SNCAIP: variants seen among roughly 807,000 people sequenced by gnomAD.
SNCAIP encodes synphilin-1.
Under a neutral mutation model 86.7 loss-of-function variants are expected in SNCAIP, and 43 were observed. The observed-to-expected ratio is 0.50, with a 90% CI of 0.39 to 0.64. The LOEUF is 0.64. Among genes scored for constraint, SNCAIP ranks in the 30% least tolerant of loss-of-function variants. The pLI, the probability that SNCAIP is intolerant of heterozygous loss-of-function variation, is 0.00. For missense variants in SNCAIP, 981 were observed against 1,103.1 expected (o/e 0.89, Z 1.57); for synonymous variants, 417 against 427.2 (o/e 0.98, Z 0.29).
intron 2 of SNCAIP, among the ~76,000 whole-genome samples, chr5:122,397,932 G>A (rs143589687): frequency 0.015 from 2,330 of 152,250 alleles, 31 homozygotes; most frequent in Middle Eastern, 0.088. Context: ...ACAGTTGATG[G>A]TGGCAAATAG....
In SNCAIP at chr5:122,444,638, C is replaced by T. The variant is rs1307357877; in HGVS notation, c.1498C>T (p.Gln500Ter). The change falls in exon 8 of 11, where the codon CAG becomes TAG. Residue 500 changes from glutamine to a stop codon, truncating the protein, a stop_gained. Transcript: ENST00000261368. LOFTEE classifies it high-confidence loss of function. Reference protein sequence around the residue: ...GEKPSQSAERQGHTLCSRYLV... With the variant: ...GEKPSQSAER ...AAAGCCCTCCCAGAGCGCCGAGCGG[C>T]AGGGGCACACCCTGTGCTCCAGGTA... 1 of 1,614,064 alleles carries T rather than the reference C, an allele frequency of 6.2e-7. No individual in the cohort carries two copies. The highest frequency in any genetic ancestry group is 1.1e-5 in the South Asian group (1 of 91,084).
At chr5:122,403,125 C>T (rs1244247185) in intron 2 of SNCAIP, among the ~76,000 whole-genome samples, 1 of 152,166 alleles carries the variant, frequency 6.6e-6, no homozygotes, top group Non-Finnish European at 1.5e-5. Context: ...TGAAAGCCAG[C>T]CTCTGAGTCG....
chr5:122,416,899 A>T (rs1168485114), intron 3 of SNCAIP, among the ~76,000 whole-genome samples: 1 of 152,192 alleles, frequency 6.6e-6, no homozygotes, highest in African/African-American at 2.4e-5. Flanking sequence ...TATGGATGTG[A>T]GGTATATTGT....
At chr5:122,377,989 A>G (rs371773070) in intron 1 of SNCAIP, among the ~76,000 whole-genome samples, 5 of 151,198 alleles carry the variant, frequency 3.3e-5, no homozygotes, top group Non-Finnish European at 4.4e-5. Context: ...GAATAATGCC[A>G]CAATAAACAT....
At chr5:122,422,807 T>G in intron 3 of SNCAIP, 61 bp from the exon 4 acceptor site, 1 of 1,379,168 alleles carries the variant, frequency 7.3e-7, no homozygotes, top group South Asian at 1.2e-5. Flanking sequence ...TCTACCTGCA[T>G]AGCCAAGATG....
chr5:122,399,130 C>G (rs1357283183), intron 2 of SNCAIP, among the ~76,000 whole-genome samples: 1 of 152,136 alleles, frequency 6.6e-6, no homozygotes, highest in Non-Finnish European at 1.5e-5. Flanking sequence ...CTCTTCCCGC[C>G]TCATTAGTTC....
Position 122,394,208 on chromosome 5 carries a change from G to T in SNCAIP, c.57+3017G>T, listed in dbSNP as rs1444779942. ...ACCTGAAAAATATGTTTATGAAAAAGATGCCCAGTTTCAAACTCTTCTCCT... is the reference window on the plus strand; with the variant it reads ...ACCTGAAAAATATGTTTATGAAAAATATGCCCAGTTTCAAACTCTTCTCCT... On this transcript the variant is annotated intron_variant, in intron 2 of 10. Transcript: ENST00000261368. Among the ~76,000 whole-genome samples, 3 of 152,086 alleles carry T rather than the reference G, an allele frequency of 2.0e-5. No homozygotes were observed. In the East Asian group the frequency reaches 5.8e-4, roughly 29 times the overall value.
chr5:122,431,987 G>A lies in SNCAIP; in HGVS notation c.1201G>A (p.Val401Ile), dbSNP rs773136642. 11 of 1,582,516 alleles carry A rather than the reference G, an allele frequency of 7.0e-6. No individual in the cohort carries two copies. Among genetic ancestry groups the A allele is most frequent in the African/African-American group, 5.4e-5 (4 of 74,380 alleles). ...AACCTAGAATGGTCAGTTGGAGTGC[G>A]TACGCTGGATGGTGAGCGAAACAGA... ...LAIKNGQLEC[V>I]RWMVSETEAI... The change falls in exon 6 of 11, where the codon GTA becomes ATA. Residue 401 changes from valine (V) to isoleucine (I), a missense_variant. Coordinates refer to ENST00000261368, the MANE Select transcript of SNCAIP (RefSeq NM_005460.4).
At chr5:122,362,708 T>G (rs887759953) in intron 1 of SNCAIP, among the ~76,000 whole-genome samples, 1 of 152,092 alleles carries the variant, frequency 6.6e-6, no homozygotes, top group Non-Finnish European at 1.5e-5. Flanking sequence ...AGAACTCAGT[T>G]GGAGTTTGAC....
chr5:122,426,080 T>A (rs1042124487), intron 5 of SNCAIP, among the ~76,000 whole-genome samples: 1 of 152,080 alleles, frequency 6.6e-6, no homozygotes, highest in Non-Finnish European at 1.5e-5. Context: ...TGGAATAGAG[T>A]TAAAACCTAG....
At chr5:122,371,940 G>T (rs1580763220) in intron 1 of SNCAIP, among the ~76,000 whole-genome samples, 1 of 152,080 alleles carries the variant, frequency 6.6e-6, no homozygotes, top group East Asian at 1.9e-4. Context: ...GACTGATAAT[G>T]GATGTTTCTT....
intron 2 of SNCAIP, among the ~76,000 whole-genome samples, chr5:122,392,091 G>T (rs1364094323): frequency 6.6e-6 from 1 of 152,134 alleles, no homozygotes; most frequent in African/African-American, 2.4e-5. Context: ...CTTTAAAATT[G>T]TCTCAAAATG....
chr5:122,355,719 A>G (rs1291189133), intron 1 of SNCAIP, among the ~76,000 whole-genome samples: 1 of 152,234 alleles, frequency 6.6e-6, no homozygotes, highest in African/African-American at 2.4e-5. Context: ...GGAATGGAGT[A>G]GAATTTCCCA....
At chr5:122,316,362 T>C (rs1006047910) in intron 1 of SNCAIP, among the ~76,000 whole-genome samples, 1 of 152,268 alleles carries the variant, frequency 6.6e-6, no homozygotes, top group East Asian at 1.9e-4. Flanking sequence ...CCTGAGCCAG[T>C]AGCACTGACT....
intron 3 of SNCAIP, among the ~76,000 whole-genome samples, chr5:122,420,076 T>C (rs184033634): frequency 1.3e-5 from 2 of 152,204 alleles, no homozygotes; most frequent in Admixed American, 6.5e-5. Context: ...GGATGTCTTT[T>C]CTTGGCAATC....
intron 2 of SNCAIP, among the ~76,000 whole-genome samples, chr5:122,392,967 C>T (rs1362808027): frequency 6.6e-6 from 1 of 152,036 alleles, no homozygotes; most frequent in Non-Finnish European, 1.5e-5. Context: ...ACAGAAGAAT[C>T]ATCTGGCAGC....
intron 2 of SNCAIP, among the ~76,000 whole-genome samples, chr5:122,399,682 G>A (rs1771375425): frequency 6.6e-6 from 1 of 152,056 alleles, no homozygotes; most frequent in Admixed American, 6.6e-5. Flanking sequence ...AGTATCTTGG[G>A]TAAATAAAAT....
At chr5:122,436,132 C>T (rs1274905522) in intron 6 of SNCAIP, among the ~76,000 whole-genome samples, 2 of 151,972 alleles carry the variant, frequency 1.3e-5, no homozygotes, top group Non-Finnish European at 2.9e-5. Flanking sequence ...TTGGTTCATA[C>T]AGCAAACTGT....
rs375580872 is a variant in SNCAIP, at chr5:122,453,033, A to ATGCTT, written c.2754+1440_2754+1444dup. The ATGCTT allele has an allele frequency of 2.7e-4, 366 of 1,351,320 alleles. 1 individual carries two copies. The African/African-American group carries it at 4.5e-3, about 17-fold the overall frequency. 83.7% of individuals were successfully genotyped at this position (1,351,320 alleles called of 1,614,324 possible). A position where few individuals can be genotyped will look rare whatever the true frequency, so the allele number is the denominator to read the frequency against. ...AGGAGATATGCTGTGCGGCATTGAC[A>ATGCTT]TGCTTTGCTTTGAATTGCATGAGCT... On this transcript the variant is annotated intron_variant, in intron 10 of 10. Coordinates refer to ENST00000261368, the MANE Select transcript of SNCAIP (RefSeq NM_005460.4).
Sources: allele counts gnomAD v4.1 joint callset (sites outside exome capture counted in the v4.1 genomes callset), GRCh38; gene constraint gnomAD v4.1.1; transcripts MANE v1.5; gene names NCBI Gene and HGNC (gene_info 2026-07-23, HGNC 2026-07-21).